The following RAPGEF5 variants were observed in gnomAD, a reference collection of about 807,000 sequenced individuals.
The protein encoded by RAPGEF5 is Rap guanine nucleotide exchange factor 5.
Under a neutral mutation model 125.2 loss-of-function variants are expected in RAPGEF5, and 65 were observed. The observed-to-expected ratio is 0.52, with a 90% CI of 0.43 to 0.64. The LOEUF is 0.64. RAPGEF5 is among the 30% of genes least tolerant of loss of function. The probability of loss-of-function intolerance (pLI) is 0.00; values close to 1 mark genes in which losing one functional copy is unlikely to be tolerated. For missense variants in RAPGEF5, 958 were observed against 1,048.1 expected, an observed-to-expected ratio of 0.91 and a Z score of 1.19; for synonymous variants, 391 against 385.9, an observed-to-expected ratio of 1.01 and a Z score of -0.16.
At chr7:22,316,729 C>T (rs1390972339) in intron 2 of RAPGEF5, among the ~76,000 whole-genome samples, 2 of 151,182 alleles carry the variant, frequency 1.3e-5, no homozygotes, top group East Asian at 1.9e-4. Flanking sequence ...AACTCCTGGG[C>T]TCACACAATC....
At chr7:22,272,342 C>CAAAAAAAAAAAA (rs1282857477) in intron 6 of RAPGEF5, among the ~76,000 whole-genome samples, 2 of 35,972 alleles carry the variant, frequency 5.6e-5, no homozygotes, top group African/African-American at 1.8e-4. Context: ...GACTCCGTCT[C>CAAAAAAAAAAAA]AAAAAAAAAA....
intron 9 of RAPGEF5, among the ~76,000 whole-genome samples, chr7:22,198,577 T>C (rs1312379553): frequency 6.6e-6 from 1 of 152,192 alleles, no homozygotes; most frequent in African/African-American, 2.4e-5. Flanking sequence ...CATTAATACC[T>C]AATATAATTT....
chr7:22,193,600 G>C (rs1016712995), intron 10 of RAPGEF5, 145 bp from the exon 11 acceptor site: 1 of 1,550,866 alleles, frequency 6.4e-7, no homozygotes, highest in Non-Finnish European at 8.7e-7. Context: ...GTCTGAGAGC[G>C]CCGCGGCGGA....
At chr7:22,326,802 A>C (rs182325583) in intron 1 of RAPGEF5, among the ~76,000 whole-genome samples, 1 of 152,360 alleles carries the variant, frequency 6.6e-6, no homozygotes, top group Admixed American at 6.5e-5. Flanking sequence ...AAAGCAAAGC[A>C]CCTATGGTTA....
chr7:22,318,468 C>A (rs1280613796), intron 1 of RAPGEF5, among the ~76,000 whole-genome samples: 1 of 152,182 alleles, frequency 6.6e-6, no homozygotes, highest in Non-Finnish European at 1.5e-5. Context: ...ATCCTTCAAA[C>A]CACAACTAAG....
At chr7:22,267,156 T>C in intron 6 of RAPGEF5, 144 bp from the exon 7 acceptor site, 1 of 714,264 alleles carries the variant, frequency 1.4e-6, no homozygotes. Context: ...TTTTGATTTT[T>C]GCTTGTTTTT....
At chr7:22,301,875 A>C (rs1783214447) in intron 5 of RAPGEF5, among the ~76,000 whole-genome samples, 1 of 152,156 alleles carries the variant, frequency 6.6e-6, no homozygotes, top group Admixed American at 6.5e-5. Context: ...CCACAGCTTC[A>C]GAACCTTTGT....
chr7:22,225,054 A>G (rs1230578888), intron 8 of RAPGEF5, among the ~76,000 whole-genome samples: 1 of 152,156 alleles, frequency 6.6e-6, no homozygotes, highest in African/African-American at 2.4e-5. Flanking sequence ...GTGTTTTGGG[A>G]GGCCAAAGCA....
At chr7:22,309,847 C>A in intron 4 of RAPGEF5, 122 bp downstream of exon 4, 1 of 1,142,922 alleles carries the variant, frequency 8.7e-7, no homozygotes, top group East Asian at 3.0e-5. Context: ...AGAGAGAATA[C>A]AAATATTTAT....
At chr7:22,148,774 A>G (rs567276635) in intron 18 of RAPGEF5, among the ~76,000 whole-genome samples, 1 of 152,308 alleles carries the variant, frequency 6.6e-6, no homozygotes, top group South Asian at 2.1e-4. Flanking sequence ...GGAGGGAGCT[A>G]CCTGAGAAGG....
chr7:22,327,362 CATT>C (rs1205238876), intron 1 of RAPGEF5, among the ~76,000 whole-genome samples: 1 of 152,180 alleles, frequency 6.6e-6, no homozygotes, highest in Non-Finnish European at 1.5e-5. Flanking sequence ...TCCCCTGATT[CATT>C]ACATGAATCT....
intron 1 of RAPGEF5, among the ~76,000 whole-genome samples, chr7:22,338,192 C>A (rs1784059997): frequency 6.6e-6 from 1 of 152,190 alleles, no homozygotes; most frequent in Admixed American, 6.5e-5. Context: ...AAGCCTATTT[C>A]TTAGAGTTAC....
At position 22,281,274 on chromosome 7, in the gene RAPGEF5, C is replaced by T. The variant is rs148952007; in HGVS notation, c.747+9901G>A. The stretch of plus-strand genomic sequence containing the variant: ...TCACCCAGGTTAGAGAGCAGTGGTA[C>T]GAGCTCAGCTCACTGCTACCTCTGC... On this transcript the variant is annotated intron_variant, in intron 6 of 25. Coordinates refer to ENST00000665637, the MANE Select transcript of RAPGEF5 (RefSeq NM_012294.5). Among the ~76,000 whole-genome samples, 69 of 152,260 alleles carry T rather than the reference C, an allele frequency of 4.5e-4. 2 individuals are homozygous for T. In the East Asian group the frequency reaches 8.9e-3, roughly 20 times the overall value.
chr7:22,238,691 G>C (rs772860719), intron 7 of RAPGEF5, among the ~76,000 whole-genome samples: 2 of 152,206 alleles, frequency 1.3e-5, no homozygotes, highest in Non-Finnish European at 2.9e-5. Flanking sequence ...ACAGTTATAT[G>C]ATTCTTCATT....
At chr7:22,353,506 G>A (rs1413844221) in intron 1 of RAPGEF5, among the ~76,000 whole-genome samples, 2 of 152,156 alleles carry the variant, frequency 1.3e-5, no homozygotes, top group African/African-American at 4.8e-5. Context: ...AAATGCACTA[G>A]CCCCTACAAA....
chr7:22,195,865 C>A (rs1785136982), intron 9 of RAPGEF5, among the ~76,000 whole-genome samples: 1 of 152,210 alleles, frequency 6.6e-6, no homozygotes, highest in Non-Finnish European at 1.5e-5. Context: ...TAATCATGCG[C>A]CAATACTCAT....
chr7:22,250,287 G>C (rs957725013), intron 7 of RAPGEF5, among the ~76,000 whole-genome samples: 1 of 152,056 alleles, frequency 6.6e-6, no homozygotes, highest in Non-Finnish European at 1.5e-5. Flanking sequence ...TAGAACCAGG[G>C]CTTGCTTATC....
At chr7:22,352,411 T>A (rs34804093) in intron 1 of RAPGEF5, among the ~76,000 whole-genome samples, 61,724 of 149,606 alleles carry the variant, frequency 0.41, 12,853 homozygotes, top group Non-Finnish European at 0.47. Context: ...ATTGTCAGTT[T>A]AAAAAAAAAA....
intron 8 of RAPGEF5, among the ~76,000 whole-genome samples, chr7:22,222,763 T>C (rs1017141548): frequency 1.1e-4 from 17 of 152,206 alleles, no homozygotes; most frequent in African/African-American, 3.9e-4. Flanking sequence ...TCATTGTATG[T>C]CCTGGGTTGG....
Sources: gnomAD v4.1 joint callset for allele counts (sites outside exome capture counted in the v4.1 genomes callset) on GRCh38, gnomAD v4.1.1 for gene constraint, MANE v1.5 for transcripts, NCBI Gene and HGNC (gene_info 2026-07-23, HGNC 2026-07-21) for gene names.